NFIA: variants seen among roughly 807,000 people sequenced by gnomAD.
NFIA encodes nuclear factor 1 A-type.
Under a neutral mutation model 62.8 loss-of-function variants are expected in NFIA, and 8 were observed. The observed-to-expected ratio is 0.13, with a 90% CI of 0.07 to 0.23. The LOEUF is 0.23. Among genes scored for constraint, NFIA ranks in the 10% least tolerant of loss-of-function variants. NFIA has a pLI of 1.00. For synonymous variants in NFIA, 235 were observed against 238.1 expected, an observed-to-expected ratio of 0.99 and a Z score of 0.12; for missense variants, 410 against 642.1, an observed-to-expected ratio of 0.64 and a Z score of 3.91.
At chr1:61,155,885 G>T (rs963155836) in intron 2 of NFIA, among the ~76,000 whole-genome samples, 1 of 151,210 alleles carries the variant, frequency 6.6e-6, no homozygotes, top group African/African-American at 2.4e-5. Context: ...GCCTGTAATC[G>T]CAGCACTTTG....
At chr1:61,285,607 C>G (rs1658436243) in intron 3 of NFIA, among the ~76,000 whole-genome samples, 1 of 152,138 alleles carries the variant, frequency 6.6e-6, no homozygotes, top group South Asian at 2.1e-4. Context: ...CTCCAGGCAA[C>G]TCTTTTCCCC....
chr1:61,082,595 G>T lies in NFIA; in HGVS notation c.-197G>T. ...GTTCAGCTCATGGAGCGGCAATAGC[G>T]CTGGCTGGCTGGCTGCAGTTGAGCC... On this transcript the variant is annotated 5_prime_UTR_variant, in exon 1 of 11. Coordinates refer to ENST00000403491, the MANE Select transcript of NFIA (RefSeq NM_001134673.4). 6.8e-7 allele frequency: 1 copy of T among 1,466,644 alleles called. No homozygotes were observed. Among genetic ancestry groups the T allele is most frequent in the Non-Finnish European group, 9.0e-7 (1 of 1,111,174 alleles). The allele number at this position is 1,466,644 out of a possible 1,614,324, so 90.9% of individuals were successfully genotyped here.
chr1:61,200,057 T>TAC (rs1305565875), intron 2 of NFIA, among the ~76,000 whole-genome samples: 6 of 56,946 alleles, frequency 1.1e-4, no homozygotes, highest in African/African-American at 5.3e-4. Context: ...TATATATATA[T>TAC]ATATATATAT....
intron 3 of NFIA, among the ~76,000 whole-genome samples, chr1:61,297,797 G>C (rs1478657342): frequency 2.0e-5 from 3 of 152,164 alleles, no homozygotes; most frequent in Non-Finnish European, 4.4e-5. Context: ...GTGGAAAAGA[G>C]AATGCTTTAA....
Position 61,455,453 on chromosome 1 carries a change from A to C in NFIA, c.*133A>C. On this transcript the variant is annotated 3_prime_UTR_variant, in exon 11 of 11. Coordinates refer to ENST00000403491, the MANE Select transcript of NFIA (RefSeq NM_001134673.4). Reference sequence around the variant, plus strand: ...AAGGGGAGAAAAACCGATTCAAATCAACTTGTACATGGAAACAGCAAGCAT... The same window carrying C: ...AAGGGGAGAAAAACCGATTCAAATCCACTTGTACATGGAAACAGCAAGCAT... 1.4e-6 allele frequency: 2 copies of C among 1,425,370 alleles called. No homozygotes were observed. Among genetic ancestry groups the C allele is most frequent in the Non-Finnish European group, 2.0e-6 (2 of 1,018,942 alleles). 88.3% of individuals were successfully genotyped at this position (1,425,370 alleles called of 1,614,324 possible). A position where few individuals can be genotyped will look rare whatever the true frequency, so the allele number is the denominator to read the frequency against.
rs376578274 is a variant in NFIA, at chr1:61,455,425, C to T, written c.*105C>T. 3.2e-6 allele frequency: 5 copies of T among 1,575,654 alleles called. No individual in the cohort carries two copies. Among genetic ancestry groups the T allele is most frequent in the East Asian group, 2.2e-5 (1 of 44,488 alleles). On this transcript the variant is annotated 3_prime_UTR_variant, in exon 11 of 11. Coordinates refer to ENST00000403491, the MANE Select transcript of NFIA (RefSeq NM_001134673.4). ...AGCGCAGTTACAACTTCACTATCAG[C>T]GGAAGGGGAGAAAAACCGATTCAAA...
chr1:61,322,981 A>G (rs1041107705), intron 3 of NFIA, among the ~76,000 whole-genome samples: 1 of 152,204 alleles, frequency 6.6e-6, no homozygotes, highest in African/African-American at 2.4e-5. Context: ...TGAGTGAGCA[A>G]TGATGGCAAA....
At chr1:61,224,959 A>C (rs2100622335) in intron 2 of NFIA, among the ~76,000 whole-genome samples, 1 of 152,220 alleles carries the variant, frequency 6.6e-6, no homozygotes, top group South Asian at 2.1e-4. Flanking sequence ...TCACCCCATA[A>C]TTTTGAGTAT....
intron 9 of NFIA, among the ~76,000 whole-genome samples, chr1:61,414,044 G>A (rs375531188): frequency 2.0e-5 from 3 of 150,778 alleles, no homozygotes; most frequent in South Asian, 2.1e-4. Context: ...GTGCAGTGGC[G>A]CAATCTCAGC....
At chr1:61,410,616 A>G (rs1666055062) in intron 9 of NFIA, among the ~76,000 whole-genome samples, 1 of 152,176 alleles carries the variant, frequency 6.6e-6, no homozygotes, top group African/African-American at 2.4e-5. Context: ...AAAAATAAAT[A>G]TAGGGACTGG....
At chr1:61,362,947 C>T (rs1663379059) in intron 6 of NFIA, among the ~76,000 whole-genome samples, 1 of 152,172 alleles carries the variant, frequency 6.6e-6, no homozygotes, top group African/African-American at 2.4e-5. Flanking sequence ...TGCAGATAAA[C>T]AGGAAAGAAA....
intron 2 of NFIA, among the ~76,000 whole-genome samples, chr1:61,211,577 A>G (rs1653258929): frequency 6.6e-6 from 1 of 152,240 alleles, no homozygotes. Flanking sequence ...GAACTTAAAT[A>G]ACTTCTCATA....
At chr1:61,161,926 G>T (rs925473136) in intron 2 of NFIA, among the ~76,000 whole-genome samples, 2 of 152,150 alleles carry the variant, frequency 1.3e-5, no homozygotes, top group African/African-American at 4.8e-5. Flanking sequence ...GCTCCAAAAT[G>T]AGTTAATGTA....
intron 2 of NFIA, among the ~76,000 whole-genome samples, chr1:61,134,540 TATACAGG>T (rs1647145258): frequency 3.9e-5 from 6 of 152,330 alleles, no homozygotes; most frequent in African/African-American, 1.2e-4. Flanking sequence ...CTGTTTGAAC[TATACAGG>T]CTATAACATA....
chr1:61,449,287 T>G (rs190840816), intron 10 of NFIA, among the ~76,000 whole-genome samples: 67 of 152,308 alleles, frequency 4.4e-4, no homozygotes, highest in Admixed American at 1.2e-3. Context: ...GATGCCTTGC[T>G]TTGCCCTCAT....
At chr1:61,389,331 C>T (rs1042261049) in intron 7 of NFIA, among the ~76,000 whole-genome samples, 1 of 152,150 alleles carries the variant, frequency 6.6e-6, no homozygotes, top group Non-Finnish European at 1.5e-5. Context: ...GCCACTTTTT[C>T]ATAGGATCTT....
chr1:61,081,256 T>TA (rs377051682), upstream of NFIA, among the ~76,000 whole-genome samples: 3,964 of 142,216 alleles, frequency 0.028, 66 homozygotes, highest in Middle Eastern at 0.095. Context: ...AATATGAGGT[T>TA]AAAAAAAAAA....
At chr1:61,304,667 ATTTTTT>A (rs55774470) in intron 3 of NFIA, among the ~76,000 whole-genome samples, 1 of 151,266 alleles carries the variant, frequency 6.6e-6, no homozygotes, top group Non-Finnish European at 1.5e-5. Flanking sequence ...CTAAGATCTG[ATTTTTT>A]TTTTTGTAGG....
chr1:61,149,455 T>C (rs1424555230), intron 2 of NFIA, among the ~76,000 whole-genome samples: 2 of 152,228 alleles, frequency 1.3e-5, no homozygotes, highest in Admixed American at 6.5e-5. Context: ...TTTAGTGATA[T>C]AAGATTCTTG....
Sources: allele counts gnomAD v4.1 joint callset (sites outside exome capture counted in the v4.1 genomes callset), GRCh38; gene constraint gnomAD v4.1.1; transcripts MANE v1.5; gene names NCBI Gene and HGNC (gene_info 2026-07-23, HGNC 2026-07-21).